The following ESCO1 variants were observed in gnomAD, a reference collection of about 807,000 sequenced individuals.
ESCO1 encodes the protein establishment of sister chromatid cohesion N-acetyltransferase 1.
ESCO1 carries 33 observed loss-of-function variants against 83.5 expected under a neutral mutation model. The ratio of observed to expected loss-of-function variants is 0.40; its 90% CI spans 0.30 to 0.53. The LOEUF (loss-of-function observed/expected upper bound fraction) is 0.53. Ranked by LOEUF, ESCO1 falls within the 20% of genes least tolerant of loss-of-function variation. The probability of loss-of-function intolerance (pLI) is 0.63; values close to 1 mark genes in which losing one functional copy is unlikely to be tolerated. For missense variants in ESCO1, 855 were observed against 968.0 expected (o/e 0.88, Z 1.55); for synonymous variants, 332 against 324.3 (o/e 1.02, Z -0.25).
chr18:21,575,692 G>A lies in ESCO1; in HGVS notation c.-608C>T, dbSNP rs1252969394. 1 of 398,164 alleles carries A rather than the reference G, an allele frequency of 2.5e-6. No homozygotes were observed. The highest frequency in any genetic ancestry group is 4.4e-6 in the Non-Finnish European group (1 of 225,932). 24.7% of individuals were successfully genotyped at this position (398,164 alleles called of 1,614,324 possible). ...CTTACAGTTTTTGCCCCAAAATATAGACTCGATGTCTCAGCCACCATAACT... is the reference window on the plus strand; with the variant it reads ...CTTACAGTTTTTGCCCCAAAATATAAACTCGATGTCTCAGCCACCATAACT... On this transcript the variant is annotated 5_prime_UTR_variant, in exon 3 of 12. Transcript: ENST00000269214.
intron 8 of ESCO1, among the ~76,000 whole-genome samples, chr18:21,545,998 A>C (rs1266922982): frequency 6.6e-6 from 1 of 152,190 alleles, no homozygotes; most frequent in African/African-American, 2.4e-5. Context: ...TGAACTTCAA[A>C]GTGTTTAAAA....
At chr18:21,562,023 C>G (rs1051228431) in intron 7 of ESCO1, among the ~76,000 whole-genome samples, 9 of 151,974 alleles carry the variant, frequency 5.9e-5, no homozygotes, top group African/African-American at 1.9e-4. Context: ...GGATTACAGG[C>G]ACCCACCAAC....
At position 21,600,692 on chromosome 18, in the gene ESCO1, C is replaced by T. The variant is rs2038833291; in HGVS notation, c.-894G>A. The T allele has an allele frequency of 2.0e-5, 3 of 152,322 alleles. No homozygotes were observed. Among genetic ancestry groups the T allele is most frequent in the African/African-American group, 4.8e-5 (2 of 41,470 alleles). 9.4% of individuals were successfully genotyped at this position (152,322 alleles called of 1,614,324 possible). A position where few individuals can be genotyped will look rare whatever the true frequency, so the allele number is the denominator to read the frequency against. ...CCTCACATCCGGGTATCAGGAGACA[C>T]TCAGCTGCTTCTGCTGCGGCCGCCG... On this transcript the variant is annotated 5_prime_UTR_variant, in exon 1 of 12. The change creates a new upstream start codon in the 5' untranslated region. Transcript: ENST00000269214.
At chr18:21,553,046 T>C (rs530541695) in intron 8 of ESCO1, among the ~76,000 whole-genome samples, 7 of 152,278 alleles carry the variant, frequency 4.6e-5, no homozygotes, top group East Asian at 3.9e-4. Context: ...TCCCAACACA[T>C]TGGGAGGCAG....
rs1432063713 is a variant in ESCO1, at chr18:21,530,139, AAAGAT to A, written c.*199_*203del. 1.3e-5 allele frequency: 5 copies of A among 397,904 alleles called. No individual in the cohort carries two copies. The highest frequency in any genetic ancestry group is 1.8e-5 in the Non-Finnish European group (4 of 224,620). The allele number at this position is 397,904 out of a possible 1,614,324, so 24.6% of individuals were successfully genotyped here. A position where few individuals can be genotyped will look rare whatever the true frequency, so the allele number is the denominator to read the frequency against. On this transcript the variant is annotated 3_prime_UTR_variant, in exon 12 of 12. Transcript: ENST00000269214. ...AATACATCAATCATAAATTTCTGTA[AAAGAT>A]AATAAAATATCTTCTTTAAAAAACA... is the stretch of plus-strand genomic sequence containing the variant.
chr18:21,552,430 G>A (rs1395499255), intron 8 of ESCO1, among the ~76,000 whole-genome samples: 1 of 152,136 alleles, frequency 6.6e-6, no homozygotes, highest in African/African-American at 2.4e-5. Context: ...TTTTATAAGG[G>A]GGTTTTCCCC....
At chr18:21,545,798 G>A (rs765684713) in intron 8 of ESCO1, among the ~76,000 whole-genome samples, 4 of 151,580 alleles carry the variant, frequency 2.6e-5, no homozygotes, top group African/African-American at 4.8e-5. Flanking sequence ...AGCATGTGGC[G>A]CACGCCTGTA....
intron 1 of ESCO1, among the ~76,000 whole-genome samples, chr18:21,588,785 G>A (rs148428339): frequency 2.6e-5 from 4 of 151,870 alleles, no homozygotes; most frequent in East Asian, 1.9e-4. Flanking sequence ...GCATGGTGGC[G>A]TTCACCTATA....
intron 8 of ESCO1, among the ~76,000 whole-genome samples, chr18:21,559,649 C>T (rs1304471042): frequency 6.6e-6 from 1 of 152,164 alleles, no homozygotes; most frequent in Non-Finnish European, 1.5e-5. Flanking sequence ...CTATTTTTGT[C>T]CTAGAAGTAT....
At chr18:21,558,747 A>C (rs1185773792) in intron 8 of ESCO1, among the ~76,000 whole-genome samples, 13 of 151,680 alleles carry the variant, frequency 8.6e-5, no homozygotes, top group South Asian at 4.2e-4. Flanking sequence ...AAAAAAAAAA[A>C]ACTTGTTTTA....
intron 1 of ESCO1, among the ~76,000 whole-genome samples, chr18:21,589,581 A>C (rs1286877171): frequency 2.6e-5 from 4 of 152,150 alleles, no homozygotes. Flanking sequence ...TTACTGAAGG[A>C]CTTTTTCCCC....
intron 11 of ESCO1, 147 bp from the exon 12 acceptor site, chr18:21,530,637 GA>G (rs2037756139): frequency 1.7e-6 from 1 of 582,758 alleles, no homozygotes; most frequent in East Asian, 3.3e-5. Flanking sequence ...CAAAATTTTT[GA>G]AAATAATTAT....
intron 1 of ESCO1, among the ~76,000 whole-genome samples, chr18:21,586,122 A>G (rs1295512256): frequency 6.6e-6 from 1 of 152,204 alleles, no homozygotes; most frequent in Non-Finnish European, 1.5e-5. Context: ...ACCAAACACT[A>G]GAACTTATTC....
chr18:21,540,648 G>T (rs764877369), intron 8 of ESCO1: 9 of 1,341,320 alleles, frequency 6.7e-6, no homozygotes, highest in Non-Finnish European at 8.8e-6. Flanking sequence ...CAAAAAAAGA[G>T]AGGTAATAAA....
intron 1 of ESCO1, among the ~76,000 whole-genome samples, chr18:21,598,482 C>A (rs1214436409): frequency 1.3e-5 from 2 of 150,960 alleles, no homozygotes; most frequent in East Asian, 3.9e-4. Flanking sequence ...GGCGGATCAC[C>A]TGAGGTCAGG....
chr18:21,600,361 C>T (rs534014741), intron 1 of ESCO1, among the ~76,000 whole-genome samples: 2 of 152,380 alleles, frequency 1.3e-5, no homozygotes, highest in Non-Finnish European at 2.9e-5. Context: ...ACTTCGACCG[C>T]CCAGCAAACA....
intron 2 of ESCO1, among the ~76,000 whole-genome samples, chr18:21,578,411 A>G (rs1049427673): frequency 2.6e-5 from 4 of 152,024 alleles, no homozygotes; most frequent in Non-Finnish European, 4.4e-5. Context: ...CACATGGGAG[A>G]AAAAAAAGTA....
Position 21,567,976 on chromosome 18 carries a change from T to C in ESCO1, c.1645+4A>G. The C allele has an allele frequency of 6.2e-7, 1 of 1,601,816 alleles. No individual in the cohort carries two copies. Among genetic ancestry groups the C allele is most frequent in the Non-Finnish European group, 8.5e-7 (1 of 1,172,480 alleles). The stretch of plus-strand genomic sequence containing the variant: ...AAATCCAAATAATATTTCCAAAGTA[T>C]TACCTGGAAATTTATTCTCTCCTGT... On this transcript the variant is annotated splice_donor_region_variant and intron_variant, in intron 5 of 11. Coordinates refer to ENST00000269214, the MANE Select transcript of ESCO1 (RefSeq NM_052911.3).
chr18:21,565,589 G>C (rs1328819473), intron 6 of ESCO1, among the ~76,000 whole-genome samples: 1 of 152,130 alleles, frequency 6.6e-6, no homozygotes, highest in Non-Finnish European at 1.5e-5. Flanking sequence ...ATAAAGCATA[G>C]AACTGTTAAA....
Sources: gnomAD v4.1 joint callset for allele counts (sites outside exome capture counted in the v4.1 genomes callset) on GRCh38, gnomAD v4.1.1 for gene constraint, MANE v1.5 for transcripts, NCBI Gene and HGNC (gene_info 2026-07-23, HGNC 2026-07-21) for gene names.